Variants in LRRC37B observed in about 807,000 individuals in gnomAD.
LRRC37B encodes the protein leucine-rich repeat-containing protein 37B.
A neutral mutation model predicts 98.3 loss-of-function variants in LRRC37B; 28 were observed. The ratio of observed to expected loss-of-function variants is 0.28; its 90% CI spans 0.21 to 0.39. The LOEUF is 0.39. Among genes scored for constraint, LRRC37B ranks in the 10% least tolerant of loss-of-function variants. LRRC37B has a pLI of 1.00. For missense variants in LRRC37B, 938 were observed against 1,182.7 expected, an observed-to-expected ratio of 0.79 and a Z score of 3.03; for synonymous variants, 364 against 442.7, an observed-to-expected ratio of 0.82 and a Z score of 2.23.
At chr17:32,021,989 G>A (rs1910806947) in exon 1 of LRRC37B, 1 of 1,613,946 alleles carries the variant, frequency 6.2e-7, no homozygotes, top group African/African-American at 1.3e-5. Flanking sequence ...CTTCACTCCA[G>A]GAAGAAGCCC....
intron 7 of LRRC37B, chr17:32,042,962 A>G (rs1285914097): frequency 6.6e-6 from 1 of 152,038 alleles, no homozygotes; most frequent in Non-Finnish European, 1.5e-5. Flanking sequence ...GTAGGCAATG[A>G]TAATATTAAG....
exon 1 of LRRC37B, chr17:32,022,025 G>T: frequency 1.2e-6 from 2 of 1,613,988 alleles, no homozygotes; most frequent in Non-Finnish European, 1.7e-6. Flanking sequence ...AGCTCCCTCA[G>T]GAGGTAGAAC....
chr17:32,031,419 C>G, exon 5 of LRRC37B: 1 of 1,610,282 alleles, frequency 6.2e-7, no homozygotes, highest in Non-Finnish European at 8.5e-7. Context: ...AGCCTTGGAA[C>G]ATTTCAGGCC....
rs1195605933 is a variant in LRRC37B at position 32,048,108 on chromosome 17, A to G, written c.2464+207A>G. 1.2e-5 allele frequency: 12 copies of G among 973,632 alleles called. No homozygotes were observed. The African/African-American group carries it at 1.8e-4, about 15-fold the overall frequency. 60.3% of individuals were successfully genotyped at this position (973,632 alleles called of 1,614,324 possible). On this transcript the variant is annotated intron_variant, in intron 9 of 11. Coordinates refer to ENST00000327564, the Ensembl canonical transcript of LRRC37B. ...CCCCTCACAGTCCAGCCTTCTAGGT[A>G]ACAAATTTAAAAACCAAATATTTGA... is the stretch of plus-strand genomic sequence containing the variant.
exon 1 of LRRC37B, chr17:32,021,324 C>T (rs746829360): frequency 1.2e-6 from 2 of 1,613,942 alleles, no homozygotes; most frequent in South Asian, 2.2e-5. Flanking sequence ...ATGGGAATCT[C>T]CCCATGCACC....
chr17:32,039,400 C>T (rs1430366102), intron 7 of LRRC37B, among the ~76,000 whole-genome samples: 2 of 142,198 alleles, frequency 1.4e-5, no homozygotes, highest in Non-Finnish European at 3.0e-5. Flanking sequence ...TCGCTTGAAC[C>T]CAGGAGGTAG....
exon 1 of LRRC37B, chr17:32,021,977 C>T: frequency 6.2e-7 from 1 of 1,614,094 alleles, no homozygotes; most frequent in South Asian, 1.1e-5. Context: ...ACATCCAGTC[C>T]TCTTCACTCC....
At chr17:32,034,752 G>A (rs1300678071) in intron 5 of LRRC37B, among the ~76,000 whole-genome samples, 158 bp from the exon 9 acceptor site, 1 of 151,508 alleles carries the variant, frequency 6.6e-6, no homozygotes, top group African/African-American at 2.4e-5. Context: ...AGTTCCCAAA[G>A]GAATAGTGCT....
intron 5 of LRRC37B, among the ~76,000 whole-genome samples, chr17:32,032,380 T>A (rs1171757948): frequency 1.3e-5 from 2 of 152,098 alleles, no homozygotes; most frequent in Non-Finnish European, 2.9e-5. Context: ...CAAAAAAAAA[T>A]TTTGTAAAGA....
chr17:32,015,127 C>CA (rs1338827225), intron 1 of LRRC37B, among the ~76,000 whole-genome samples: 2 of 150,854 alleles, frequency 1.3e-5, no homozygotes, highest in South Asian at 2.1e-4. Flanking sequence ...GACTCTGTCT[C>CA]AAAAAAAAGA....
At chr17:32,030,957 G>A (rs1911092053) in intron 4 of LRRC37B, among the ~76,000 whole-genome samples, 1 of 152,144 alleles carries the variant, frequency 6.6e-6, no homozygotes. Flanking sequence ...TTGTACTCAG[G>A]TGACATTTGG....
chr17:32,037,555 G>A (rs998107278), intron 7 of LRRC37B, among the ~76,000 whole-genome samples: 3 of 151,906 alleles, frequency 2.0e-5, no homozygotes, highest in Non-Finnish European at 2.9e-5. Flanking sequence ...CGTGAGCCAC[G>A]ATGCATGGCC....
At position 32,022,280 on chromosome 17, in the gene LRRC37B, A is replaced by C. The variant is rs762709108; in HGVS notation, c.1215A>C (p.Glu405Asp). ...CAATTCAGCCTCCCGAGGAGGCGGA[A>C]CCTTCTTCTACAGCCCTGAGGACTA... Residue 405 changes from glutamate to aspartate, a missense_variant, in exon 1 of 12, where the codon GAA (glutamate) becomes GAC (aspartate). Glu to Asp is a conservative substitution (Grantham distance 45). Transcript: ENST00000327564. 11 of 1,613,746 alleles carry C rather than the reference A, an allele frequency of 6.8e-6. No homozygotes were observed. The Admixed American group carries it at 1.5e-4, about 22-fold the overall frequency.
At chr17:32,039,518 A>T (rs1310039153) in intron 7 of LRRC37B, among the ~76,000 whole-genome samples, 2 of 27,512 alleles carry the variant, frequency 7.3e-5, no homozygotes, top group South Asian at 1.2e-3. Context: ...ATATATATAT[A>T]TATATGTATG....
At chr17:32,044,061 C>T (rs1286762091) in intron 7 of LRRC37B, among the ~76,000 whole-genome samples, 3 of 151,280 alleles carry the variant, frequency 2.0e-5, no homozygotes, top group African/African-American at 7.3e-5. Flanking sequence ...ACATTATTCA[C>T]AGAGCTGGGA....
rs2627104 is a variant in LRRC37B at position 32,048,788 on chromosome 17, G to A, written c.2465-314G>A. 4.6e-5 allele frequency among the ~76,000 whole-genome samples: 7 copies of A among 152,208 alleles called. No individual in the cohort carries two copies. In the South Asian group the frequency reaches 1.4e-3, roughly 31 times the overall value. Reference sequence around the variant, plus strand: ...GAAGAGCCTCATAAATTCGCAAGGGGTTTTTTCATCCTTAGGAGACCTGAG... The same window carrying A: ...GAAGAGCCTCATAAATTCGCAAGGGATTTTTTCATCCTTAGGAGACCTGAG... On this transcript the variant is annotated intron_variant, in intron 9 of 11. Transcript: ENST00000327564.
intron 9 of LRRC37B, 70 bp downstream of exon 12, chr17:32,047,971 C>T: frequency 6.2e-7 from 1 of 1,612,778 alleles, no homozygotes. Flanking sequence ...CCTTATCTCT[C>T]ACTGGGAAAT....
chr17:32,032,478 A>G (rs1003534671), intron 5 of LRRC37B, among the ~76,000 whole-genome samples: 2 of 152,164 alleles, frequency 1.3e-5, no homozygotes, highest in Admixed American at 6.5e-5. Flanking sequence ...TCTGTATAAC[A>G]TACCCAGCAA....
chr17:32,050,940 G>A (rs113991590), intron 11 of LRRC37B: 1 of 152,160 alleles, frequency 6.6e-6, no homozygotes, highest in Non-Finnish European at 1.5e-5. Context: ...CACTGGAAGA[G>A]GGATTTAATA....
Sources: gnomAD v4.1 joint callset for allele counts (sites outside exome capture counted in the v4.1 genomes callset) on GRCh38, gnomAD v4.1.1 for gene constraint, MANE v1.5 for transcripts, NCBI Gene and HGNC (gene_info 2026-07-23, HGNC 2026-07-21) for gene names.